Variants in CDH23 observed in about 807,000 individuals in gnomAD.
CDH23 encodes the protein cadherin-23.
A neutral mutation model predicts 317.1 loss-of-function variants in CDH23; 189 were observed. That is an observed-to-expected ratio of 0.60 (90% confidence interval 0.53 to 0.67). The LOEUF (loss-of-function observed/expected upper bound fraction) is 0.67. Ranked by LOEUF, CDH23 falls within the 30% of genes least tolerant of loss-of-function variation. The pLI is 0.00. For synonymous variants in CDH23, 1,839 were observed against 1,876.8 expected (o/e 0.98, Z 0.52); for missense variants, 4,401 against 4,592.4 (o/e 0.96, Z 1.20).
intron 6 of CDH23, among the ~76,000 whole-genome samples, chr10:71,512,654 G>A (rs948357169): frequency 1.3e-5 from 2 of 152,200 alleles, no homozygotes; most frequent in African/African-American, 4.8e-5. Flanking sequence ...GCAAGGAGAC[G>A]AGGGGTCATG....
chr10:71,723,578 G>A (rs1237660655), intron 28 of CDH23, among the ~76,000 whole-genome samples: 1 of 152,218 alleles, frequency 6.6e-6, no homozygotes, highest in Non-Finnish European at 1.5e-5. Context: ...GACCGTTACA[G>A]TGTACAGTGC....
At chr10:71,814,856 A>G in intron 69 of CDH23, 96 bp from the exon 70 acceptor site, 1 of 1,392,520 alleles carries the variant, frequency 7.2e-7, no homozygotes, top group Admixed American at 2.7e-5. Context: ...GTAGGAGCCC[A>G]AGGTTCAGCC....
At position 71,809,923 on chromosome 10, in the gene CDH23, C is replaced by G. The variant is rs760527365; in HGVS notation, c.8826C>G (p.Asp2942Glu). 6.2e-6 allele frequency: 10 copies of G among 1,613,028 alleles called. No individual in the cohort carries two copies. Among genetic ancestry groups the G allele is most frequent in the Admixed American group, 3.3e-5 (2 of 60,032 alleles). The change falls in exon 61 of 70, where the codon GAC (aspartate) becomes GAG (glutamate). Residue 2942 changes from aspartate (D) to glutamate (E), a missense_variant. Coordinates refer to ENST00000224721, the MANE Select transcript of CDH23 (RefSeq NM_022124.6). ...IVARDLAGHNDTAIIGIYILR... is the reference protein window; with the variant it reads ...IVARDLAGHNETAIIGIYILR... ...CCCGAGACCTGGCAGGCCACAACGA[C>G]ACGGCCATCATCGGCATCTACATCC... is the stretch of plus-strand genomic sequence containing the variant.
chr10:71,693,179 G>A (rs575730952), intron 20 of CDH23, among the ~76,000 whole-genome samples: 157 of 152,340 alleles, frequency 1.0e-3, no homozygotes, highest in Middle Eastern at 3.4e-3. Flanking sequence ...AAGAGCTAGC[G>A]AGGCACTCAA....
rs1865605908 is a variant in CDH23, at chr10:71,702,002, G to C, written c.2398-20G>C. 1 of 1,612,956 alleles carries C rather than the reference G, an allele frequency of 6.2e-7. No individual in the cohort carries two copies. The highest frequency in any genetic ancestry group is 1.3e-5 in the African/African-American group (1 of 75,016). On this transcript the variant is annotated intron_variant, in intron 22 of 69. Transcript: ENST00000224721. ...TCCCCAGGCGCGGCTCAGTGAAGGG[G>C]TCTGCTCCCTCCCGGGCAGGTGGTG...
At chr10:71,717,777 A>AT (rs923095240) in intron 28 of CDH23, 2 of 152,186 alleles carry the variant, frequency 1.3e-5, no homozygotes, top group East Asian at 3.9e-4. Flanking sequence ...AGAAATCTGG[A>AT]TTTTTTTAAA....
chr10:71,648,226 G>A (rs760745431), intron 14 of CDH23, among the ~76,000 whole-genome samples: 2 of 152,190 alleles, frequency 1.3e-5, no homozygotes, highest in African/African-American at 2.4e-5. Context: ...ATCACCAGGC[G>A]CTTGAGGCCC....
rs114631956 is a variant in CDH23, at chr10:71,531,019, G to A, written c.429+19807G>A. Among the ~76,000 whole-genome samples, 854 of 152,308 alleles carry A rather than the reference G, an allele frequency of 5.6e-3. 10 individuals carry two copies. The highest frequency in any genetic ancestry group is 0.02 in the African/African-American group (826 of 41,562). Reference sequence around the variant, plus strand: ...GGCTCTCGGCTCTGTGGCAAGTTCAGGCATCTCTACATCATAAGAAAATTC... The same window carrying A: ...GGCTCTCGGCTCTGTGGCAAGTTCAAGCATCTCTACATCATAAGAAAATTC... On this transcript the variant is annotated intron_variant, in intron 6 of 69. Transcript: ENST00000224721.
chr10:71,814,914 C>G, intron 69 of CDH23, 38 bp from the exon 70 acceptor site: 4 of 1,562,514 alleles, frequency 2.6e-6, no homozygotes, highest in Non-Finnish European at 2.6e-6. Context: ...ACCCCTTGGG[C>G]ATGGCCCTGA....
chr10:71,748,698 C>T (rs117150304), intron 38 of CDH23: 3,737 of 152,836 alleles, frequency 0.024, 68 homozygotes, highest in Non-Finnish European at 0.038. Flanking sequence ...GTGCTCCTCC[C>T]GCCCCCTGGA....
At position 71,779,393 on chromosome 10, in the gene CDH23, G is replaced by A. The variant is rs1247269433; in HGVS notation, c.5314G>A (p.Asp1772Asn). Residue 1772 changes from aspartate to asparagine, a missense_variant, in exon 41 of 70, where the codon GAC (aspartate) becomes AAC (asparagine). Transcript: ENST00000224721. ...GTGGACCTTCCTGGCCCATGACCGA[G>A]ACTCAGGACCCAACGGGCAGGTGGA... The part of the protein sequence containing the change: ...RVWTFLAHDR[D>N]SGPNGQVEYS... 6.2e-7 allele frequency: 1 copy of A among 1,613,744 alleles called. No homozygotes were observed. The highest frequency in any genetic ancestry group is 8.5e-7 in the Non-Finnish European group (1 of 1,179,706).
At chr10:71,732,610 G>A (rs775743557) in intron 32 of CDH23, 9 of 1,396,064 alleles carry the variant, frequency 6.4e-6, no homozygotes, top group Non-Finnish European at 7.5e-6. Flanking sequence ...TCCAGCCCGG[G>A]CAACAGAGTG....
intron 45 of CDH23, 88 bp from the exon 46 acceptor site, chr10:71,790,200 C>T (rs1841208173): frequency 6.5e-7 from 1 of 1,536,226 alleles, no homozygotes; most frequent in African/African-American, 1.4e-5. Context: ...CATCCATCGT[C>T]AGCCATGGCT....
intron 14 of CDH23, among the ~76,000 whole-genome samples, chr10:71,649,846 G>T (rs1372946338): frequency 2.0e-5 from 3 of 152,212 alleles, no homozygotes; most frequent in Admixed American, 6.5e-5. Flanking sequence ...TTAAGTAGGC[G>T]CTGTTATTCT....
At chr10:71,754,166 G>A (rs763064681) in intron 38 of CDH23, among the ~76,000 whole-genome samples, 12 of 152,266 alleles carry the variant, frequency 7.9e-5, no homozygotes, top group South Asian at 2.1e-4. Flanking sequence ...GCTGCCCAGC[G>A]TTGCTCTTCT....
intron 6 of CDH23, among the ~76,000 whole-genome samples, chr10:71,515,928 G>T (rs1854311722): frequency 6.6e-6 from 1 of 152,198 alleles, no homozygotes; most frequent in Non-Finnish European, 1.5e-5. Context: ...CAGTGTATTG[G>T]AAACAGTGTG....
At position 71,751,715 on chromosome 10, in the gene CDH23, G is replaced by A; in HGVS notation, c.4845+9794G>A. The stretch of plus-strand genomic sequence containing the variant: ...TCCGGGGCCTGGAGGAGACAGGGGG[G>A]TGCTGGGCTCCGAAAGCAGATGCCG... On this transcript the variant is annotated intron_variant, in intron 38 of 69. Transcript: ENST00000224721. This position sits in a 1 kb window ranked among gnomAD's most constrained non-coding sequence, Gnocchi z 4.9. 6.3e-7 allele frequency: 1 copy of A among 1,577,362 alleles called. No homozygotes were observed. The highest frequency in any genetic ancestry group is 8.6e-7 in the Non-Finnish European group (1 of 1,163,480).
At chr10:71,403,152 A>G (rs1371269988) in intron 1 of CDH23, among the ~76,000 whole-genome samples, 2 of 149,922 alleles carry the variant, frequency 1.3e-5, no homozygotes, top group Non-Finnish European at 3.0e-5. Flanking sequence ...AACAACAACC[A>G]AAAAAAAACA....
chr10:71,505,329 A>G (rs929465913), intron 3 of CDH23, among the ~76,000 whole-genome samples: 4 of 152,200 alleles, frequency 2.6e-5, no homozygotes, highest in East Asian at 1.9e-4. Context: ...AGGATTCCAA[A>G]TTCTTGGAAT....
Sources: gnomAD v4.1 joint callset for allele counts (sites outside exome capture counted in the v4.1 genomes callset) on GRCh38, gnomAD v4.1.1 for gene constraint, Gnocchi (gnomAD v3.1) non-coding constraint, MANE v1.5 for transcripts, NCBI Gene and HGNC (gene_info 2026-07-23, HGNC 2026-07-21) for gene names.